Variants in MICB observed in about 807,000 individuals in gnomAD.
The protein encoded by MICB is MHC class I polypeptide-related sequence B.
A neutral mutation model predicts 34.3 loss-of-function variants in MICB; 27 were observed. The observed-to-expected ratio is 0.79, with a 90% CI of 0.58 to 1.08. MICB has a LOEUF of 1.08. Among genes scored for constraint, MICB ranks in the 50% least tolerant of loss-of-function variants. The pLI, the probability that MICB is intolerant of heterozygous loss-of-function variation, is 0.00. For missense variants in MICB, 426 were observed against 483.1 expected (o/e 0.88, Z 1.11); for synonymous variants, 153 against 187.4 (o/e 0.82, Z 1.50).
At chr6:31,500,778 T>C (rs944471538) in intron 1 of MICB, among the ~76,000 whole-genome samples, 1 of 152,216 alleles carries the variant, frequency 6.6e-6, no homozygotes, top group African/African-American at 2.4e-5. Context: ...GATGGCTGAA[T>C]AGTACTCCAC....
At chr6:31,499,766 C>T (rs1293025949) in intron 1 of MICB, among the ~76,000 whole-genome samples, 1 of 152,112 alleles carries the variant, frequency 6.6e-6, no homozygotes, top group African/African-American at 2.4e-5. Context: ...CCCACAGGTG[C>T]TGGACCATCC....
At chr6:31,505,579 C>T (rs1472723815) in intron 1 of MICB, 38 bp from the exon 2 acceptor site, 7 of 1,605,442 alleles carry the variant, frequency 4.4e-6, no homozygotes, top group Non-Finnish European at 6.0e-6. Context: ...GAAGTTATTT[C>T]CAGGAAGAAG....
intron 3 of MICB, 142 bp downstream of exon 3, chr6:31,506,572 C>T (rs757823900): frequency 1.2e-5 from 11 of 904,028 alleles, no homozygotes; most frequent in East Asian, 2.6e-5. Flanking sequence ...TTTGCCTCTC[C>T]TGTTAGAGCC....
intron 1 of MICB, among the ~76,000 whole-genome samples, chr6:31,501,858 G>A (rs1765034906): frequency 6.6e-6 from 1 of 152,166 alleles, no homozygotes; most frequent in Non-Finnish European, 1.5e-5. Flanking sequence ...TTTGAAGTCA[G>A]ATAATGTGAT....
In MICB at chr6:31,507,764, G is replaced by A. The variant is rs1178194963; in HGVS notation, c.1024+233G>A. Among the ~76,000 whole-genome samples the A allele has an allele frequency of 6.6e-6, 1 of 152,146 alleles. No individual in the cohort carries two copies. The highest frequency in any genetic ancestry group is 1.5e-5 in the Non-Finnish European group (1 of 68,022). On this transcript the variant is annotated intron_variant, in intron 5 of 5. Coordinates refer to ENST00000252229, the MANE Select transcript of MICB (RefSeq NM_005931.5). This position sits in a 1 kb window ranked among gnomAD's most constrained non-coding sequence, Gnocchi z 6.0. ...TATCCAGCTGTGGCCTCCTCCTGCT[G>A]CAAGTGAGGAGTGGGCAGCAGGGAG...
At chr6:31,496,160 C>G (rs1359479588), upstream of MICB, among the ~76,000 whole-genome samples, 1 of 152,040 alleles carries the variant, frequency 6.6e-6, no homozygotes, top group East Asian at 1.9e-4. Flanking sequence ...GCCTAGATGT[C>G]CCAATGACTA....
At chr6:31,496,314 G>A (rs41293860), upstream of MICB, among the ~76,000 whole-genome samples, 5,091 of 152,098 alleles carry the variant, frequency 0.033, 89 homozygotes, top group South Asian at 0.059. Context: ...ATAATCACAA[G>A]GTTGTGCCAC....
chr6:31,503,040 C>T (rs747444211), intron 1 of MICB, among the ~76,000 whole-genome samples: 39 of 152,248 alleles, frequency 2.6e-4, no homozygotes, highest in Middle Eastern at 6.8e-3. Flanking sequence ...CGATGTATTA[C>T]ATTGATTGAT....
At chr6:31,508,464 G>A (rs1158591885) in intron 5 of MICB, among the ~76,000 whole-genome samples, 3 of 152,320 alleles carry the variant, frequency 2.0e-5, no homozygotes, top group African/African-American at 4.8e-5. Flanking sequence ...CGGTAGGGGC[G>A]CTGGTTTCTC....
intron 1 of MICB, among the ~76,000 whole-genome samples, chr6:31,499,744 C>G (rs2534668): frequency 0.11 from 16,822 of 151,806 alleles, 957 homozygotes; most frequent in Admixed American, 0.2. Flanking sequence ...TCTTGAGGAC[C>G]CCACCCTCCA....
At position 31,507,001 on chromosome 6, in the gene MICB, G is replaced by A; in HGVS notation, c.614-21G>A. The stretch of plus-strand genomic sequence containing the variant: ...CTTAGAGGGGAGCAGGGCTTCACTG[G>A]CTCTGCCCTTTCTTCTCCAGTGCCC... On this transcript the variant is annotated intron_variant, in intron 3 of 5. Transcript: ENST00000252229. The surrounding 1 kb of genome is among the most constrained non-coding windows in gnomAD (Gnocchi z 6.0). The A allele has an allele frequency of 6.2e-7, 1 of 1,605,544 alleles. No homozygotes were observed. The highest frequency in any genetic ancestry group is 8.5e-7 in the Non-Finnish European group (1 of 1,175,364).
intron 1 of MICB, among the ~76,000 whole-genome samples, chr6:31,505,015 T>C (rs28703977): frequency 0.69 from 103,220 of 150,522 alleles, 35,350 homozygotes; most frequent in Middle Eastern, 0.77. Flanking sequence ...CTTGTCATGC[T>C]ACTCTTCCAC....
At position 31,510,045 on chromosome 6, in the gene MICB, G is replaced by A; in HGVS notation, c.*136G>A. On this transcript the variant is annotated 3_prime_UTR_variant, in exon 6 of 6. Transcript: ENST00000252229. The stretch of plus-strand genomic sequence containing the variant: ...GTTGGATGCTGCAAAGTGTTAGTAG[G>A]TATGAGGTGTTTGCTGCTCTGCCAC... 9.5e-7 allele frequency: 1 copy of A among 1,048,746 alleles called. No homozygotes were observed. The highest frequency in any genetic ancestry group is 1.3e-6 in the Non-Finnish European group (1 of 759,708). 65.0% of individuals were successfully genotyped at this position (1,048,746 alleles called of 1,614,324 possible).
intron 1 of MICB, among the ~76,000 whole-genome samples, chr6:31,504,248 C>CTCTTTTTTTTTTTTTTTTTTT (rs1765162374): frequency 1.4e-5 from 1 of 71,434 alleles, no homozygotes; most frequent in African/African-American, 5.7e-5. Context: ...TAATCTCTCT[C>CTCTTTTTTTTTTTTTTTTTTT]TTTTTCTTTT....
At chr6:31,502,036 A>G (rs1339826795) in intron 1 of MICB, among the ~76,000 whole-genome samples, 3 of 152,122 alleles carry the variant, frequency 2.0e-5, no homozygotes, top group South Asian at 2.1e-4. Context: ...TGGATATTTT[A>G]ACAAAATTGA....
chr6:31,505,661 G>A lies in MICB; in HGVS notation c.115G>A (p.Gly39Arg), dbSNP rs767796824. 23 of 1,612,830 alleles carry A rather than the reference G, an allele frequency of 1.4e-5. No homozygotes were observed. Among genetic ancestry groups the A allele is most frequent in the Non-Finnish European group, 1.9e-5 (23 of 1,179,948 alleles). The change falls in exon 2 of 6, where the codon GGA becomes AGA. Residue 39 changes from glycine (G) to arginine (R), a missense_variant. Coordinates refer to ENST00000252229, the MANE Select transcript of MICB (RefSeq NM_005931.5). ...RYNLMVLSQD[G>R]SVQSGFLAEG... ...CAACCTCATGGTGCTGTCCCAGGATGGATCTGTGCAGTCAGGGTTTCTCGC... is the reference window on the plus strand; with the variant it reads ...CAACCTCATGGTGCTGTCCCAGGATAGATCTGTGCAGTCAGGGTTTCTCGC...
rs1383180957 is a variant in MICB, at chr6:31,509,967, CCT to C, written c.*61_*62del. On this transcript the variant is annotated 3_prime_UTR_variant, in exon 6 of 6. Transcript: ENST00000252229. ...CTGCCTGGATCTCACCAGCACTTTC[CCT>C]CTGTTTCCTGACCTATGAAACAGAG... 6.7e-7 allele frequency: 1 copy of C among 1,496,406 alleles called. No homozygotes were observed. The highest frequency in any genetic ancestry group is 8.9e-7 in the Non-Finnish European group (1 of 1,122,468). 92.7% of individuals were successfully genotyped at this position (1,496,406 alleles called of 1,614,324 possible).
intron 1 of MICB, among the ~76,000 whole-genome samples, chr6:31,500,734 C>A (rs1764972889): frequency 6.6e-6 from 1 of 152,182 alleles, no homozygotes; most frequent in Non-Finnish European, 1.5e-5. Context: ...TATTTCACTT[C>A]ACATGATGAC....
rs917853940 is a variant in MICB at position 31,505,780 on chromosome 6, A to T, written c.234A>T (p.Gly78=). 1 of 1,613,262 alleles carries T rather than the reference A, an allele frequency of 6.2e-7. No individual in the cohort carries two copies. Residue 78 remains glycine (G), a synonymous_variant, in exon 2 of 6, where the codon GGA becomes GGT. Coordinates refer to ENST00000252229, the MANE Select transcript of MICB (RefSeq NM_005931.5). ...PQGQWAENVL[G]AKTWDTETED... ...GACAGTGGGCAGAAAATGTCCTGGG[A>T]GCTAAGACCTGGGACACAGAGACCG... is the stretch of plus-strand genomic sequence containing the variant.
Sources: allele counts gnomAD v4.1 joint callset (sites outside exome capture counted in the v4.1 genomes callset), GRCh38; gene constraint gnomAD v4.1.1; non-coding constraint Gnocchi (gnomAD v3.1); transcripts MANE v1.5; gene names NCBI Gene and HGNC (gene_info 2026-07-23, HGNC 2026-07-21).